CMBL: variants seen among roughly 807,000 people sequenced by gnomAD.
The protein encoded by CMBL is carboxymethylenebutenolidase homolog.
A neutral mutation model predicts 28.7 loss-of-function variants in CMBL; 17 were observed. That is an observed-to-expected ratio of 0.59 (90% CI 0.41 to 0.89). The LOEUF (loss-of-function observed/expected upper bound fraction) is 0.89. Among genes scored for constraint, CMBL ranks in the 40% least tolerant of loss-of-function variants. The pLI is 0.00. For missense variants in CMBL, 310 were observed against 298.5 expected (o/e 1.04, Z -0.28); for synonymous variants, 106 against 101.6 (o/e 1.04, Z -0.26).
At chr5:10,288,373 A>C in intron 3 of CMBL, 49 bp downstream of exon 3, 1 of 1,388,722 alleles carries the variant, frequency 7.2e-7, no homozygotes, top group East Asian at 2.3e-5. Context: ...CCCAGCTCTC[A>C]CCTCCCTGGG....
In CMBL at chr5:10,280,531, T is replaced by C. The variant is rs760132238; in HGVS notation, c.660A>G (p.Glu220=). Residue 220 remains glutamate, a synonymous_variant, in exon 6 of 6, where the codon GAA becomes GAG. Coordinates refer to ENST00000296658, the MANE Select transcript of CMBL (RefSeq NM_138809.4). ...QTHGFVHRKR[E]DCSPADKPYI... ...AGGGCTTGTCTGCAGGTGAGCAATC[T>C]TCTCTCTTCCGATGCACGAACCCAT... 6.2e-7 allele frequency: 1 copy of C among 1,613,980 alleles called. No individual in the cohort carries two copies. Among genetic ancestry groups the C allele is most frequent in the Non-Finnish European group, 8.5e-7 (1 of 1,179,876 alleles).
At chr5:10,297,598 A>G (rs115678629) in intron 1 of CMBL, among the ~76,000 whole-genome samples, 5,554 of 150,920 alleles carry the variant, frequency 0.037, 317 homozygotes, top group African/African-American at 0.12. Context: ...GAGCAAAGAG[A>G]CTGTGCAAAA....
At chr5:10,306,336 G>C (rs1747000043) in intron 1 of CMBL, among the ~76,000 whole-genome samples, 1 of 152,286 alleles carries the variant, frequency 6.6e-6, no homozygotes, top group South Asian at 2.1e-4. Context: ...TACATCTCCA[G>C]CCTCCTGGGA....
chr5:10,286,973 C>T (rs1417612228), intron 3 of CMBL, among the ~76,000 whole-genome samples: 3 of 152,208 alleles, frequency 2.0e-5, no homozygotes. Flanking sequence ...TGACTTCACA[C>T]GTTCACTCTC....
intron 1 of CMBL, among the ~76,000 whole-genome samples, chr5:10,296,272 C>T (rs1203440853): frequency 6.6e-6 from 1 of 152,144 alleles, no homozygotes. Flanking sequence ...CCAAGAATGA[C>T]TGTATGTGGG....
intron 4 of CMBL, among the ~76,000 whole-genome samples, chr5:10,283,014 C>T (rs1008827586): frequency 2.7e-5 from 4 of 147,126 alleles, no homozygotes; most frequent in Admixed American, 6.9e-5. Context: ...GGCTTGAACC[C>T]GGGAGGTGGA....
intron 4 of CMBL, 191 bp downstream of exon 4, chr5:10,286,163 G>C (rs1380207663): frequency 3.7e-6 from 2 of 537,854 alleles, no homozygotes; most frequent in Non-Finnish European, 6.3e-6. Flanking sequence ...CTTGACTCCC[G>C]GTGACATCCT....
chr5:10,291,041 G>C (rs1579473516), intron 1 of CMBL, among the ~76,000 whole-genome samples: 1 of 152,120 alleles, frequency 6.6e-6, no homozygotes, highest in East Asian at 1.9e-4. Context: ...GACTCTTCAG[G>C]GGGCAGGATC....
At chr5:10,285,645 A>G (rs1386883978) in intron 4 of CMBL, among the ~76,000 whole-genome samples, 1 of 150,910 alleles carries the variant, frequency 6.6e-6, no homozygotes, top group East Asian at 1.9e-4. Context: ...GTACAGTTAG[A>G]GCAATTTGTA....
chr5:10,290,792 A>G lies in CMBL; in HGVS notation c.-19-11T>C. 1 of 1,572,654 alleles carries G rather than the reference A, an allele frequency of 6.4e-7. No individual in the cohort carries two copies. The highest frequency in any genetic ancestry group is 8.8e-7 in the Non-Finnish European group (1 of 1,142,446). ...GAGATTTAAGTCGGGCTATGGAGAG[A>G]GAAACATGCGTTATATTCTGAATGC... On this transcript the variant is annotated splice_polypyrimidine_tract_variant and intron_variant, in intron 1 of 5. Coordinates refer to ENST00000296658, the MANE Select transcript of CMBL (RefSeq NM_138809.4).
At position 10,279,132 on chromosome 5, in the gene CMBL, G is replaced by A. The variant is rs2126535008; in HGVS notation, c.*1321C>T. 6.6e-6 allele frequency: 1 copy of A among 152,276 alleles called. No homozygotes were observed. Among genetic ancestry groups the A allele is most frequent in the Middle Eastern group, 3.4e-3 (1 of 294 alleles). The allele number at this position is 152,276 out of a possible 1,614,324, so 9.4% of individuals were successfully genotyped here. ...GGCTCTCCCCTTTACGCCACCACCAGAAACACAGGAGATATTTCTGAGGTA... is the reference window on the plus strand; with the variant it reads ...GGCTCTCCCCTTTACGCCACCACCAAAAACACAGGAGATATTTCTGAGGTA... On this transcript the variant is annotated 3_prime_UTR_variant, in exon 6 of 6. Transcript: ENST00000296658.
At chr5:10,290,894 A>G (rs1329290528) in intron 1 of CMBL, 113 bp from the exon 2 acceptor site, 2 of 756,024 alleles carry the variant, frequency 2.6e-6, no homozygotes, top group African/African-American at 1.8e-5. Flanking sequence ...AGCTACATCT[A>G]TGGTATTATG....
intron 4 of CMBL, among the ~76,000 whole-genome samples, chr5:10,285,518 G>A (rs1458316452): frequency 6.6e-6 from 1 of 151,942 alleles, no homozygotes; most frequent in African/African-American, 2.4e-5. Flanking sequence ...GGCTGGTCTC[G>A]AACTCCTGGG....
At chr5:10,284,300 G>T (rs1460511020) in intron 4 of CMBL, among the ~76,000 whole-genome samples, 1 of 152,236 alleles carries the variant, frequency 6.6e-6, no homozygotes, top group Non-Finnish European at 1.5e-5. Context: ...TGCCTTTTGA[G>T]TTTATGTCCT....
intron 1 of CMBL, among the ~76,000 whole-genome samples, chr5:10,303,336 G>T (rs1167675237): frequency 6.6e-6 from 1 of 152,214 alleles, no homozygotes; most frequent in Non-Finnish European, 1.5e-5. Flanking sequence ...CCCTCTGGGG[G>T]CTGTGTCATG....
chr5:10,304,878 T>C (rs1746969496), intron 1 of CMBL, among the ~76,000 whole-genome samples: 1 of 152,158 alleles, frequency 6.6e-6, no homozygotes, highest in Non-Finnish European at 1.5e-5. Flanking sequence ...CTCCTAAAAA[T>C]GGCTCAAGTA....
rs1007242478 is a variant in CMBL at position 10,288,280 on chromosome 5, C to T, written c.323+142G>A. On this transcript the variant is annotated intron_variant, in intron 3 of 5. Transcript: ENST00000296658. ...GCAAAAACAAAAAAAAATTTTTTCT[C>T]CTTTGTGCCAGGGGAAGGATTCCAT... 1.2e-5 allele frequency: 8 copies of T among 653,234 alleles called. No individual in the cohort carries two copies. In the Admixed American group the frequency reaches 2.2e-4, roughly 18 times the overall value. The allele number at this position is 653,234 out of a possible 1,614,324, so 40.5% of individuals were successfully genotyped here. A position where few individuals can be genotyped will look rare whatever the true frequency, so the allele number is the denominator to read the frequency against.
intron 3 of CMBL, among the ~76,000 whole-genome samples, chr5:10,287,859 C>T (rs1408837110): frequency 1.3e-5 from 2 of 151,474 alleles, no homozygotes; most frequent in African/African-American, 2.4e-5. Context: ...TACAGGCGTG[C>T]GTCATGACAC....
At position 10,289,999 on chromosome 5, in the gene CMBL, C is replaced by T. The variant is rs769226526; in HGVS notation, c.215+549G>A. Among the ~76,000 whole-genome samples the T allele has an allele frequency of 6.6e-6, 1 of 152,180 alleles. No individual in the cohort carries two copies. Among genetic ancestry groups the T allele is most frequent in the Non-Finnish European group, 1.5e-5 (1 of 68,020 alleles). On this transcript the variant is annotated intron_variant, in intron 2 of 5. Coordinates refer to ENST00000296658, the MANE Select transcript of CMBL (RefSeq NM_138809.4). This position sits in a 1 kb window ranked among gnomAD's most constrained non-coding sequence, Gnocchi z 4.3. Reference sequence around the variant, plus strand: ...CAAATAAGAAGCAATCGGGTATCAGCCTTGGCCAAAGGTGGCCATGGCCAC... The same window carrying T: ...CAAATAAGAAGCAATCGGGTATCAGTCTTGGCCAAAGGTGGCCATGGCCAC...
Sources: gnomAD v4.1 joint callset for allele counts (sites outside exome capture counted in the v4.1 genomes callset) on GRCh38, gnomAD v4.1.1 for gene constraint, Gnocchi (gnomAD v3.1) non-coding constraint, MANE v1.5 for transcripts, NCBI Gene and HGNC (gene_info 2026-07-23, HGNC 2026-07-21) for gene names.